SNCAIP: variants seen among roughly 807,000 people sequenced by gnomAD.
The protein encoded by SNCAIP is synuclein alpha interacting protein.
A neutral mutation model predicts 86.7 loss-of-function variants in SNCAIP; 43 were observed. The ratio of observed to expected loss-of-function variants is 0.50; its 90% confidence interval spans 0.39 to 0.64. The LOEUF (loss-of-function observed/expected upper bound fraction) is 0.64, where lower values mean the gene tolerates loss of function less well. Among genes scored for constraint, SNCAIP ranks in the 30% least tolerant of loss-of-function variants. The pLI is 0.00. For missense variants in SNCAIP, 981 were observed against 1,103.1 expected (o/e 0.89, Z 1.57); for synonymous variants, 417 against 427.2 (o/e 0.98, Z 0.29).
intron 1 of SNCAIP, among the ~76,000 whole-genome samples, chr5:122,378,555 T>C (rs1765904331): frequency 7.0e-6 from 1 of 143,074 alleles, no homozygotes; most frequent in Non-Finnish European, 1.5e-5. Context: ...TTAGATCCCA[T>C]TTGTCAATTT....
At chr5:122,329,917 G>A (rs1467147020) in intron 1 of SNCAIP, among the ~76,000 whole-genome samples, 1 of 152,020 alleles carries the variant, frequency 6.6e-6, no homozygotes, top group East Asian at 1.9e-4. Context: ...TGGACCCTGG[G>A]ATTAGAGCAC....
At chr5:122,432,104 A>G (rs1778527588) in intron 6 of SNCAIP, 22 bp downstream of exon 6, 2 of 993,136 alleles carry the variant, frequency 2.0e-6, no homozygotes, top group Non-Finnish European at 1.6e-6. Context: ...TTTTTTAAGT[A>G]TCTTCCCTTT....
chr5:122,444,936 A>G (rs1235000810), intron 8 of SNCAIP: 4 of 620,462 alleles, frequency 6.4e-6, no homozygotes, highest in African/African-American at 1.8e-5. Flanking sequence ...AAGGATGTCT[A>G]AACAGTAAAG....
At chr5:122,313,542 A>G (rs183658453) in intron 1 of SNCAIP, among the ~76,000 whole-genome samples, 282 of 152,372 alleles carry the variant, frequency 1.9e-3, no homozygotes, top group Non-Finnish European at 2.9e-3. Flanking sequence ...AGACATCCCA[A>G]TTGGGAATGG....
intron 1 of SNCAIP, chr5:122,389,776 CTG>C (rs1314514728): frequency 2.0e-5 from 3 of 152,032 alleles, no homozygotes; most frequent in South Asian, 4.2e-4. Flanking sequence ...TGGATGGACT[CTG>C]TATCTATTGT....
chr5:122,410,502 TTAAAA>T (rs757105980), intron 3 of SNCAIP, among the ~76,000 whole-genome samples: 15 of 152,256 alleles, frequency 9.9e-5, no homozygotes, highest in Non-Finnish European at 8.8e-5. Flanking sequence ...GAGAGAAAAG[TTAAAA>T]TAAAATTCTG....
chr5:122,451,322 G>A lies in SNCAIP; in HGVS notation c.2475G>A (p.Met825Ile), dbSNP rs1698582610. Residue 825 changes from methionine to isoleucine, a missense_variant, in exon 10 of 11, where the codon ATG (methionine) becomes ATA (isoleucine). Met to Ile is a conservative substitution (Grantham distance 10). Coordinates refer to ENST00000261368, the MANE Select transcript of SNCAIP (RefSeq NM_005460.4). ...RVTFEEPVVQMEQPSLELNGE... is the reference protein window; with the variant it reads ...RVTFEEPVVQIEQPSLELNGE... The stretch of plus-strand genomic sequence containing the variant: ...CCTTTGAGGAGCCTGTGGTGCAGAT[G>A]GAGCAGCCTAGCCTTGAACTGAATG... 8.1e-6 allele frequency: 13 copies of A among 1,614,150 alleles called. No individual in the cohort carries two copies. Among genetic ancestry groups the A allele is most frequent in the Non-Finnish European group, 9.3e-6 (11 of 1,180,018 alleles).
intron 2 of SNCAIP, among the ~76,000 whole-genome samples, chr5:122,403,548 C>CT (rs1377982385): frequency 1.3e-5 from 2 of 152,036 alleles, no homozygotes; most frequent in African/African-American, 4.8e-5. Flanking sequence ...TACACCCCAC[C>CT]TTTTTTTGTT....
intron 2 of SNCAIP, among the ~76,000 whole-genome samples, 181 bp downstream of exon 2, chr5:122,391,372 A>G (rs910164768): frequency 3.3e-5 from 5 of 152,198 alleles, no homozygotes; most frequent in African/African-American, 1.2e-4. Context: ...CAAGAAGTGA[A>G]TCTTCCCTAA....
At chr5:122,372,056 T>G (rs1764381187) in intron 1 of SNCAIP, among the ~76,000 whole-genome samples, 1 of 152,082 alleles carries the variant, frequency 6.6e-6, no homozygotes, top group South Asian at 2.1e-4. Context: ...CTCCCCACAG[T>G]AGGGTTGTGT....
At position 122,451,142 on chromosome 5, in the gene SNCAIP, C is replaced by G; in HGVS notation, c.2295C>G (p.Gly765=). The change falls in exon 10 of 11, where the codon GGC becomes GGG. Residue 765 remains glycine, a synonymous_variant. Coordinates refer to ENST00000261368, the MANE Select transcript of SNCAIP (RefSeq NM_005460.4). ...SEPDLESQYP[G]SGSIPPNQPS... ...CAGACTTAGAATCCCAGTATCCAGG[C>G]TCAGGGAGTATTCCTCCAAACCAGC... The G allele has an allele frequency of 1.9e-6, 3 of 1,614,118 alleles. No homozygotes were observed. Among genetic ancestry groups the G allele is most frequent in the Non-Finnish European group, 2.5e-6 (3 of 1,179,992 alleles).
At chr5:122,375,849 T>G (rs929950336) in intron 1 of SNCAIP, among the ~76,000 whole-genome samples, 1 of 152,118 alleles carries the variant, frequency 6.6e-6, no homozygotes, top group Non-Finnish European at 1.5e-5. Context: ...AAAAGGGCAC[T>G]AGGCATGAAT....
In SNCAIP at chr5:122,451,206, G is replaced by C. The variant is rs1160951140; in HGVS notation, c.2359G>C (p.Ala787Pro). 6.2e-6 allele frequency: 10 copies of C among 1,614,100 alleles called. No homozygotes were observed. Among genetic ancestry groups the C allele is most frequent in the Non-Finnish European group, 8.5e-6 (10 of 1,180,020 alleles). Residue 787 changes from alanine to proline, a missense_variant, in exon 10 of 11, where the codon GCT (alanine) becomes CCT (proline). Physicochemically the swap from Ala to Pro is conservative, Grantham distance 27. Coordinates refer to ENST00000261368, the MANE Select transcript of SNCAIP (RefSeq NM_005460.4). ...TCAGCAGCCCAGCCCTGACAGTACT[G>C]CTGCCCAGAAAGTTGCCACAAGTCC... ...DPQQPSPDSTAAQKVATSPKS... is the reference protein window; with the variant it reads ...DPQQPSPDSTPAQKVATSPKS...
At chr5:122,369,376 C>G (rs1012238738) in intron 1 of SNCAIP, among the ~76,000 whole-genome samples, 2 of 152,148 alleles carry the variant, frequency 1.3e-5, no homozygotes, top group African/African-American at 2.4e-5. Context: ...CAATCAAAAT[C>G]TTTAATATTC....
chr5:122,442,306 A>C (rs1259760253), intron 7 of SNCAIP, among the ~76,000 whole-genome samples: 4 of 152,052 alleles, frequency 2.6e-5, no homozygotes, highest in Non-Finnish European at 5.9e-5. Flanking sequence ...TGACAGGAGA[A>C]TATATGGGGA....
At chr5:122,461,669 G>GTTTTTT (rs55705552) in intron 10 of SNCAIP, among the ~76,000 whole-genome samples, 146 of 133,290 alleles carry the variant, frequency 1.1e-3, no homozygotes, top group East Asian at 1.5e-3. Context: ...TTTTATAGCT[G>GTTTTTT]TTTTTTTTTT....
intron 3 of SNCAIP, among the ~76,000 whole-genome samples, chr5:122,410,642 G>A (rs1256418293): frequency 6.6e-6 from 1 of 152,098 alleles, no homozygotes; most frequent in Non-Finnish European, 1.5e-5. Context: ...GGCCAACATG[G>A]TGAAACCCTG....
chr5:122,418,604 G>A (rs991492961), intron 3 of SNCAIP, among the ~76,000 whole-genome samples: 11 of 151,984 alleles, frequency 7.2e-5, no homozygotes, highest in Admixed American at 2.6e-4. Context: ...CTCATTTTTC[G>A]AATAGGGAAT....
intron 1 of SNCAIP, among the ~76,000 whole-genome samples, chr5:122,334,718 T>C (rs955233350): frequency 1.3e-5 from 2 of 152,182 alleles, no homozygotes; most frequent in African/African-American, 4.8e-5. Context: ...CATTCTACAA[T>C]TGAAAAATAT....
Sources: gnomAD v4.1 joint callset for allele counts (sites outside exome capture counted in the v4.1 genomes callset) on GRCh38, gnomAD v4.1.1 for gene constraint, MANE v1.5 for transcripts, NCBI Gene and HGNC (gene_info 2026-07-23, HGNC 2026-07-21) for gene names.